TPH1: variants seen among roughly 807,000 people sequenced by gnomAD.
TPH1 encodes the protein tryptophan hydroxylase 1.
A neutral mutation model predicts 49.5 loss-of-function variants in TPH1; 37 were observed. The observed-to-expected ratio is 0.75, with a 90% CI of 0.58 to 0.98. TPH1 has a LOEUF of 0.98. Among genes scored for constraint, TPH1 ranks in the 50% least tolerant of loss-of-function variants. The pLI, the probability that TPH1 is intolerant of heterozygous loss-of-function variation, is 0.00. For synonymous variants in TPH1, 160 were observed against 182.1 expected (o/e 0.88, Z 0.98); for missense variants, 487 against 523.6 (o/e 0.93, Z 0.68).
chr11:18,027,754 A>G (rs1272975124), intron 6 of TPH1, among the ~76,000 whole-genome samples: 5 of 152,208 alleles, frequency 3.3e-5, no homozygotes, highest in Non-Finnish European at 7.3e-5. Context: ...ATATTTGTCC[A>G]TCTTTGTAAG....
intron 3 of TPH1, among the ~76,000 whole-genome samples, chr11:18,033,909 C>A (rs546788970): frequency 6.6e-6 from 1 of 152,138 alleles, no homozygotes; most frequent in Non-Finnish European, 1.5e-5. Context: ...CCTGCCCCAC[C>A]CTACCCTTCT....
chr11:18,026,517 C>A lies in TPH1; in HGVS notation c.776G>T (p.Ser259Ile), dbSNP rs368269654. The A allele has an allele frequency of 6.2e-7, 1 of 1,607,344 alleles. No individual in the cohort carries two copies. Among genetic ancestry groups the A allele is most frequent in the African/African-American group, 1.3e-5 (1 of 74,192 alleles). Reference protein sequence around the residue: ...VFHCTQYVRHSSDPFYTPEPD... With the variant: ...VFHCTQYVRHISDPFYTPEPD... ...CTCTGGGGTATAGAAGGGATCTGAA[C>A]TGTGTCTCACATATTGAGTGCAGTG... is the stretch of plus-strand genomic sequence containing the variant. Residue 259 changes from serine (S) to isoleucine (I), a missense_variant, in exon 7 of 11, where the codon AGT becomes ATT. By Grantham distance (142) the Ser-to-Ile change is moderately radical. Transcript: ENST00000682019.
At chr11:18,036,292 A>T in intron 2 of TPH1, 150 bp from the exon 3 acceptor site, 1 of 648,096 alleles carries the variant, frequency 1.5e-6, no homozygotes, top group Non-Finnish European at 2.6e-6. Flanking sequence ...CCAACAACAA[A>T]ATAATTCCTT....
intron 2 of TPH1, among the ~76,000 whole-genome samples, chr11:18,037,218 C>A (rs531203318): frequency 6.6e-6 from 1 of 151,908 alleles, no homozygotes; most frequent in Non-Finnish European, 1.5e-5. Flanking sequence ...ATTAGCCAGG[C>A]GTAGTGGCGC....
In TPH1 at chr11:18,023,463, T is replaced by A. The variant is rs572697392; in HGVS notation, c.1026+425A>T. 3.9e-5 allele frequency among the ~76,000 whole-genome samples: 6 copies of A among 152,304 alleles called. No homozygotes were observed. The South Asian group carries it at 1.0e-3, about 26-fold the overall frequency. Reference sequence around the variant, plus strand: ...AGCAAGACTTTGTAAGCAAAGATTTTAAAACAGTTTTTACTTAAAATATAC... The same window carrying A: ...AGCAAGACTTTGTAAGCAAAGATTTAAAAACAGTTTTTACTTAAAATATAC... On this transcript the variant is annotated intron_variant, in intron 9 of 10. Transcript: ENST00000682019.
rs1160801086 is a variant in TPH1 at position 18,020,944 on chromosome 11, C to T, written c.*47G>A. The T allele has an allele frequency of 4.4e-6, 7 of 1,594,802 alleles. No individual in the cohort carries two copies. In the Admixed American group the frequency reaches 1.0e-4, roughly 23 times the overall value. ...TGTTCAAGGAAAGCAAGAGATGGCC[C>T]AGACCTCCGAATTGATGCTCAAATG... On this transcript the variant is annotated 3_prime_UTR_variant, in exon 11 of 11. Transcript: ENST00000682019.
At chr11:18,045,717 G>C (rs967465583) in intron 1 of TPH1, among the ~76,000 whole-genome samples, 5 of 152,188 alleles carry the variant, frequency 3.3e-5, no homozygotes, top group African/African-American at 1.2e-4. Flanking sequence ...GTCGTCTGTT[G>C]GGATGGTGGT....
chr11:18,033,671 TTTAG>T (rs1200450997), intron 3 of TPH1, among the ~76,000 whole-genome samples: 1 of 152,212 alleles, frequency 6.6e-6, no homozygotes, highest in Non-Finnish European at 1.5e-5. Flanking sequence ...AAGCTACATA[TTTAG>T]TTATTCAACA....
In TPH1 at chr11:18,020,624, G is replaced by A. The variant is rs780518445; in HGVS notation, c.*367C>T. ...TAATACTCCTCAAGTTATTCTAAGC[G>A]ATCCTAAAGGGTCATTTTACTCAAG... is the stretch of plus-strand genomic sequence containing the variant. On this transcript the variant is annotated 3_prime_UTR_variant, in exon 11 of 11. Coordinates refer to ENST00000682019, the MANE Select transcript of TPH1 (RefSeq NM_004179.3). 17 of 229,188 alleles carry A rather than the reference G, an allele frequency of 7.4e-5. No individual in the cohort carries two copies. Among genetic ancestry groups the A allele is most frequent in the Admixed American group, 2.0e-4 (4 of 19,696 alleles). The allele number at this position is 229,188 out of a possible 1,614,324, so 14.2% of individuals were successfully genotyped here.
intron 1 of TPH1, 127 bp from the exon 2 acceptor site, chr11:18,040,915 G>A: frequency 1.1e-6 from 1 of 874,684 alleles, no homozygotes. Context: ...ACCTGGATAT[G>A]CAGATAAGCT....
chr11:18,033,796 A>T (rs1201475701), intron 3 of TPH1, among the ~76,000 whole-genome samples: 2 of 152,212 alleles, frequency 1.3e-5, no homozygotes, highest in Non-Finnish European at 2.9e-5. Flanking sequence ...TGTCTTTGCC[A>T]CCTTGATCTT....
chr11:18,021,254 G>C, intron 10 of TPH1, 89 bp from the exon 11 acceptor site: 1 of 1,326,190 alleles, frequency 7.5e-7, no homozygotes, highest in Non-Finnish European at 1.1e-6. Context: ...TCACATACTA[G>C]GCAAAAAACA....
chr11:18,019,754 G>A lies in TPH1; in HGVS notation c.*1237C>T. ...CATTTAGTGACTAGAGGGAGGAAAG[G>A]GGCAAATTAAAGAGACATAAGTTTG... is the stretch of plus-strand genomic sequence containing the variant. On this transcript the variant is annotated 3_prime_UTR_variant, in exon 11 of 11. Coordinates refer to ENST00000682019, the MANE Select transcript of TPH1 (RefSeq NM_004179.3). 2.2e-6 allele frequency: 1 copy of A among 457,572 alleles called. No individual in the cohort carries two copies. Among genetic ancestry groups the A allele is most frequent in the Non-Finnish European group, 4.4e-6 (1 of 227,420 alleles). The allele number at this position is 457,572 out of a possible 1,614,324, so 28.3% of individuals were successfully genotyped here.
At chr11:18,024,085 A>G in intron 8 of TPH1, 102 bp from the exon 9 acceptor site, 1 of 844,030 alleles carries the variant, frequency 1.2e-6, no homozygotes, top group Non-Finnish European at 2.0e-6. Flanking sequence ...AATAAAGTCC[A>G]AAATCCCAGT....
Position 18,026,546 on chromosome 11 carries a change from A to C in TPH1, c.747T>G (p.Val249=). 1 of 1,614,098 alleles carries C rather than the reference A, an allele frequency of 6.2e-7. No homozygotes were observed. Among genetic ancestry groups the C allele is most frequent in the Non-Finnish European group, 8.5e-7 (1 of 1,179,996 alleles). ...GTCTCACATATTGAGTGCAGTGAAA[A>C]ACTCGAAAGGCTAAACCTGATAAGA... ...RDFLSGLAFR[V]FHCTQYVRHS... is the part of the protein sequence containing the mutation. Residue 249 remains valine (V), a synonymous_variant, in exon 7 of 11, where the codon GTT becomes GTG. Transcript: ENST00000682019.
chr11:18,041,472 C>T (rs935178563), intron 1 of TPH1: 1 of 152,166 alleles, frequency 6.6e-6, no homozygotes, highest in African/African-American at 2.4e-5. Flanking sequence ...CAGTGTATGA[C>T]CTCGGGCATG....
At position 18,029,255 on chromosome 11, in the gene TPH1, ACT is replaced by A. The variant is rs1356569700; in HGVS notation, c.575_576del (p.Glu192ValfsTer10). On this transcript the variant is annotated frameshift_variant, in exon 6 of 11. Coordinates refer to ENST00000682019, the MANE Select transcript of TPH1 (RefSeq NM_004179.3). LOFTEE classifies it high-confidence loss of function. ...GAAAGCAAAGGTAAGTTTTTGAGAT[ACT>A]CTCTGCAAGCATGGGTTGGGTAGAG... is the stretch of plus-strand genomic sequence containing the variant. ...NKLYPTHACREYLKNLPLLSK... is the reference protein window; with the variant it reads ...NKLYPTHACRXYLKNLPLLSK... 3 of 1,613,770 alleles carry A rather than the reference ACT, an allele frequency of 1.9e-6. No individual in the cohort carries two copies. The highest frequency in any genetic ancestry group is 1.7e-5 in the Admixed American group (1 of 59,976).
rs540939355 is a variant in TPH1, at chr11:18,028,724, G to A, written c.667+441C>T. On this transcript the variant is annotated intron_variant, in intron 6 of 10. Coordinates refer to ENST00000682019, the MANE Select transcript of TPH1 (RefSeq NM_004179.3). ...GATCCAATACACCAGGACAGAGTACGGGAAAATTCTGACCTCCCATATCAC... is the reference window on the plus strand; with the variant it reads ...GATCCAATACACCAGGACAGAGTACAGGAAAATTCTGACCTCCCATATCAC... 5.9e-5 allele frequency among the ~76,000 whole-genome samples: 9 copies of A among 152,228 alleles called. No homozygotes were observed. In the East Asian group the frequency reaches 7.7e-4, roughly 13 times the overall value.
At chr11:18,033,437 AGAC>A in intron 3 of TPH1, 63 bp from the exon 4 acceptor site, 1 of 1,223,580 alleles carries the variant, frequency 8.2e-7, no homozygotes, top group Non-Finnish European at 1.2e-6. Flanking sequence ...ATCTTAAACA[AGAC>A]AATAAAGAAG....
Sources: allele counts gnomAD v4.1 joint callset (sites outside exome capture counted in the v4.1 genomes callset), GRCh38; gene constraint gnomAD v4.1.1; transcripts MANE v1.5; gene names NCBI Gene and HGNC (gene_info 2026-07-23, HGNC 2026-07-21).